Variants in NF1 observed in about 807,000 individuals in gnomAD.
NF1 encodes neurofibromin 1.
In NF1, 122 loss-of-function variants were observed where a neutral mutation model predicts 325.7. The ratio of observed to expected loss-of-function variants is 0.37; its 90% CI spans 0.32 to 0.44. The LOEUF (loss-of-function observed/expected upper bound fraction) is 0.44. NF1 is among the 20% of genes least tolerant of loss of function. The pLI, the probability that NF1 is intolerant of heterozygous loss-of-function variation, is 1.00. For missense variants in NF1, 2,140 were observed against 3,415.4 expected, an observed-to-expected ratio of 0.63 and a Z score of 9.31; for synonymous variants, 1,091 against 1,186.0, an observed-to-expected ratio of 0.92 and a Z score of 1.65.
At chr17:31,358,272 AAAAAC>A in intron 54 of NF1, 3 of 588,490 alleles carry the variant, frequency 5.1e-6, no homozygotes, top group Non-Finnish European at 9.0e-6. Context: ...CCTGGTGACT[AAAAAC>A]AAAAGACAAA....
chr17:31,230,080 G>A, intron 22 of NF1, 106 bp downstream of exon 22: 1 of 1,473,760 alleles, frequency 6.8e-7, no homozygotes, highest in Admixed American at 1.7e-5. Flanking sequence ...ATTCTTTACT[G>A]CACACAAACT....
At chr17:31,150,451 A>G (rs745512651) in intron 1 of NF1, among the ~76,000 whole-genome samples, 5 of 152,030 alleles carry the variant, frequency 3.3e-5, no homozygotes, top group Non-Finnish European at 5.9e-5. Flanking sequence ...ATGGTATTCT[A>G]ATTTCCTTCT....
rs876659418 is a variant in NF1, at chr17:31,163,270, C to G, written c.373C>G (p.Arg125Gly). 3.1e-6 allele frequency: 5 copies of G among 1,614,100 alleles called. No individual in the cohort carries two copies. Among genetic ancestry groups the G allele is most frequent in the Non-Finnish European group, 4.2e-6 (5 of 1,179,992 alleles). Residue 125 changes from arginine to glycine, a missense_variant, in exon 4 of 58, where the codon CGT becomes GGT. This residue lies in a region of NF1 where 246 missense variants were observed against 347.8 expected (regional missense o/e 0.71). Coordinates refer to ENST00000358273, the MANE Select transcript of NF1 (RefSeq NM_001042492.3). ...PEICHFLHTC[R>G]EGNQHAAELR... The stretch of plus-strand genomic sequence containing the variant: ...AATCTGCCATTTTCTTCACACCTGT[C>G]GTGAAGGAAACCAGCATGCAGCTGA...
chr17:31,340,516 G>A lies in NF1; in HGVS notation c.6933G>A (p.Leu2311=), dbSNP rs1468907773. 1 of 1,614,130 alleles carries A rather than the reference G, an allele frequency of 6.2e-7. No individual in the cohort carries two copies. Among genetic ancestry groups the A allele is most frequent in the Non-Finnish European group, 8.5e-7 (1 of 1,180,014 alleles). Residue 2311 remains leucine, a synonymous_variant, in exon 47 of 58, where the codon CTG becomes CTA. Transcript: ENST00000358273. ...LQPLLNKDSP[L]HKALFWVAVA... is the part of the protein sequence containing the mutation. The stretch of plus-strand genomic sequence containing the variant: ...ATCTTCTTTGCCAGGACTCGCCTCT[G>A]CACAAAGCCCTCTTTTGGGTAGCTG...
intron 57 of NF1, chr17:31,362,152 A>C: frequency 8.9e-6 from 2 of 225,874 alleles, no homozygotes; most frequent in Non-Finnish European, 1.5e-5. Flanking sequence ...TCAGTGTGTT[A>C]ATAAATACCC....
intron 1 of NF1, among the ~76,000 whole-genome samples, chr17:31,150,168 C>T (rs911164033): frequency 2.0e-5 from 3 of 152,172 alleles, no homozygotes; most frequent in Non-Finnish European, 4.4e-5. Flanking sequence ...TTGCCTTTTA[C>T]TCACCGTGAT....
intron 36 of NF1, chr17:31,305,120 G>A (rs779974433): frequency 1.9e-6 from 3 of 1,614,156 alleles, no homozygotes; most frequent in Non-Finnish European, 2.5e-6. Context: ...GATGGATTAT[G>A]AACAGTTATT....
intron 36 of NF1, chr17:31,314,143 G>T (rs572820304): frequency 4.0e-4 from 157 of 396,112 alleles, no homozygotes; most frequent in Non-Finnish European, 4.9e-4. Flanking sequence ...TCAATAGCTG[G>T]TTCCGGAAGT....
chr17:31,155,034 G>T (rs2065634521), intron 1 of NF1, among the ~76,000 whole-genome samples: 1 of 152,058 alleles, frequency 6.6e-6, no homozygotes, highest in African/African-American at 2.4e-5. Flanking sequence ...AGCCTATTTA[G>T]TATTTCTTTA....
intron 1 of NF1, among the ~76,000 whole-genome samples, chr17:31,129,028 A>AC (rs1915128526): frequency 6.6e-6 from 1 of 151,908 alleles, no homozygotes; most frequent in Admixed American, 6.6e-5. Context: ...TTTCCTTTAT[A>AC]GGTGACATGT....
chr17:31,249,950 T>C (rs1364091497), intron 30 of NF1: 12 of 488,608 alleles, frequency 2.5e-5, no homozygotes, highest in South Asian at 1.7e-4. Flanking sequence ...TCTCTCTCTT[T>C]GCAGAGTCAT....
At chr17:31,096,222 G>A (rs1372439400) in intron 1 of NF1, among the ~76,000 whole-genome samples, 1 of 151,462 alleles carries the variant, frequency 6.6e-6, no homozygotes, top group Non-Finnish European at 1.5e-5. Context: ...AGGGTGAAAG[G>A]AAAGTGAGAA....
chr17:31,180,310 A>C (rs1597656740), intron 5 of NF1, among the ~76,000 whole-genome samples: 1 of 152,248 alleles, frequency 6.6e-6, no homozygotes, highest in Non-Finnish European at 1.5e-5. Flanking sequence ...TTTTAGGCTG[A>C]TATCCCTGAT....
intron 57 of NF1, chr17:31,367,374 A>C: frequency 1.3e-6 from 1 of 790,776 alleles, no homozygotes; most frequent in Non-Finnish European, 1.9e-6. Context: ...GGTCCCTGTA[A>C]GCTCAGTCTG....
At chr17:31,337,111 A>G (rs763631856) in intron 42 of NF1, among the ~76,000 whole-genome samples, 197 bp downstream of exon 42, 11 of 152,224 alleles carry the variant, frequency 7.2e-5, no homozygotes, top group Non-Finnish European at 1.5e-4. Flanking sequence ...AAGATTTTCT[A>G]TGCATACTTG....
intron 49 of NF1, 108 bp from the exon 50 acceptor site, chr17:31,350,075 A>G: frequency 8.8e-7 from 1 of 1,133,266 alleles, no homozygotes; most frequent in Non-Finnish European, 1.3e-6. Flanking sequence ...AAATATGTGC[A>G]CATTTAACAG....
intron 8 of NF1, among the ~76,000 whole-genome samples, chr17:31,183,894 G>A (rs2066184072): frequency 6.6e-6 from 1 of 152,168 alleles, no homozygotes; most frequent in Admixed American, 6.5e-5. Flanking sequence ...ACTTGGACTG[G>A]CTCTTCTTGC....
In NF1 at chr17:31,340,630, T is replaced by C. The variant is rs775364451; in HGVS notation, c.7047T>C (p.Arg2349=). The C allele has an allele frequency of 6.2e-7, 1 of 1,614,128 alleles. No homozygotes were observed. The highest frequency in any genetic ancestry group is 8.5e-7 in the Non-Finnish European group (1 of 1,180,000). ...EQNLHTLDSL[R]IFNDKSPEEV... ...ACCTGCATACTTTAGATAGTCTCCG[T>C]ATATTCAATGACAAGGTAAGCAAAC... is the stretch of plus-strand genomic sequence containing the variant. The change falls in exon 47 of 58, where the codon CGT becomes CGC. Residue 2349 remains arginine, a synonymous_variant. Coordinates refer to ENST00000358273, the MANE Select transcript of NF1 (RefSeq NM_001042492.3).
In NF1 at chr17:31,182,564, A is replaced by G. The variant is rs1597659883; in HGVS notation, c.787A>G (p.Lys263Glu). The change falls in exon 8 of 58, where the codon AAA (lysine) becomes GAA (glutamate). Residue 263 changes from lysine (K) to glutamate (E), a missense_variant. Lys to Glu is a moderately conservative substitution (Grantham distance 56). Transcript: ENST00000358273. Reference protein sequence around the residue: ...VDGFAESTKRKAAVWPLQIIL... With the variant: ...VDGFAESTKREAAVWPLQIIL... ...TGGTTTTGCTGAAAGCACCAAACGT[A>G]AAGCAGCAGTTTGGCCACTACAAAT... 1 of 1,614,116 alleles carries G rather than the reference A, an allele frequency of 6.2e-7. No individual in the cohort carries two copies. Among genetic ancestry groups the G allele is most frequent in the South Asian group, 1.1e-5 (1 of 91,072 alleles).
Sources: allele counts gnomAD v4.1 joint callset (sites outside exome capture counted in the v4.1 genomes callset), GRCh38; gene constraint gnomAD v4.1.1; regional missense constraint gnomAD v4.1.1; transcripts MANE v1.5; gene names NCBI Gene and HGNC (gene_info 2026-07-23, HGNC 2026-07-21).